The following ADGRB3 variants were observed in gnomAD, a reference collection of about 807,000 sequenced individuals.
ADGRB3 encodes the protein brain-specific angiogenesis inhibitor 3.
In ADGRB3, 37 loss-of-function variants were observed where a neutral mutation model predicts 193.4. That is an observed-to-expected ratio of 0.19 (90% confidence interval 0.15 to 0.25). The LOEUF (loss-of-function observed/expected upper bound fraction) is 0.25, where lower values mean the gene tolerates loss of function less well. Ranked by LOEUF, ADGRB3 falls within the 10% of genes least tolerant of loss-of-function variation. The pLI, the probability that ADGRB3 is intolerant of heterozygous loss-of-function variation, is 1.00. For missense variants in ADGRB3, 1,637 were observed against 1,852.9 expected (o/e 0.88, Z 2.14); for synonymous variants, 690 against 644.2 (o/e 1.07, Z -1.08).
intron 11 of ADGRB3, among the ~76,000 whole-genome samples, chr6:68,998,923 CTG>C (rs1769475142): frequency 6.6e-6 from 1 of 152,130 alleles, no homozygotes; most frequent in Admixed American, 6.5e-5. Context: ...AACTATAAAA[CTG>C]TATTTTATCC....
intron 3 of ADGRB3, among the ~76,000 whole-genome samples, chr6:68,861,203 G>A (rs1001769782): frequency 1.3e-5 from 2 of 152,138 alleles, no homozygotes; most frequent in African/African-American, 4.8e-5. Flanking sequence ...CACTCTAGTA[G>A]AGTGGATATT....
intron 6 of ADGRB3, among the ~76,000 whole-genome samples, chr6:68,947,960 G>A (rs545180759): frequency 6.6e-6 from 1 of 152,240 alleles, no homozygotes; most frequent in South Asian, 2.1e-4. Context: ...CAGCAATGGA[G>A]TGTTTGAATT....
At chr6:69,116,286 C>G (rs1167948521) in intron 17 of ADGRB3, among the ~76,000 whole-genome samples, 1 of 152,214 alleles carries the variant, frequency 6.6e-6, no homozygotes, top group Non-Finnish European at 1.5e-5. Context: ...GACCAAACAA[C>G]TGAGCATCAT....
chr6:69,232,817 TC>T (rs1165162298), intron 17 of ADGRB3, among the ~76,000 whole-genome samples: 1 of 152,204 alleles, frequency 6.6e-6, no homozygotes, highest in Admixed American at 6.5e-5. Flanking sequence ...AACCTTTTAG[TC>T]AGGCTTTTCA....
At chr6:69,080,257 T>C (rs1370783316) in intron 17 of ADGRB3, among the ~76,000 whole-genome samples, 1 of 152,052 alleles carries the variant, frequency 6.6e-6, no homozygotes. Context: ...TTGATATATC[T>C]ATACATTAGG....
chr6:68,906,912 T>A (rs1766563928), intron 3 of ADGRB3, among the ~76,000 whole-genome samples: 1 of 152,006 alleles, frequency 6.6e-6, no homozygotes, highest in Non-Finnish European at 1.5e-5. Flanking sequence ...TCTATTAATA[T>A]TTGCTTCTGT....
At chr6:69,064,273 A>T (rs768276111) in intron 16 of ADGRB3, among the ~76,000 whole-genome samples, 129 of 151,648 alleles carry the variant, frequency 8.5e-4, no homozygotes, top group Non-Finnish European at 1.6e-3. Flanking sequence ...TATTTAAACT[A>T]TTTAACTTTA....
intron 17 of ADGRB3, among the ~76,000 whole-genome samples, chr6:69,117,496 C>A (rs191855324): frequency 2.0e-5 from 3 of 152,254 alleles, no homozygotes; most frequent in African/African-American, 7.2e-5. Context: ...CTAATACATT[C>A]TAAATCACTA....
At chr6:68,796,370 C>G (rs138720573) in intron 3 of ADGRB3, among the ~76,000 whole-genome samples, 13 of 152,182 alleles carry the variant, frequency 8.5e-5, no homozygotes, top group African/African-American at 2.9e-4. Flanking sequence ...TGTCTAAACC[C>G]TCTTCTACCT....
intron 17 of ADGRB3, among the ~76,000 whole-genome samples, chr6:69,186,319 G>T (rs1006328446): frequency 2.6e-5 from 4 of 151,912 alleles, no homozygotes; most frequent in African/African-American, 9.7e-5. Flanking sequence ...AGATCTAAAT[G>T]CATTTTATTT....
chr6:69,141,476 T>C (rs1449022783), intron 17 of ADGRB3, among the ~76,000 whole-genome samples: 3 of 152,088 alleles, frequency 2.0e-5, no homozygotes, highest in Non-Finnish European at 2.9e-5. Flanking sequence ...GAGAAGGTGA[T>C]TCTTGAGTAA....
intron 20 of ADGRB3, among the ~76,000 whole-genome samples, chr6:69,253,966 T>G (rs1257915929): frequency 2.0e-5 from 3 of 151,980 alleles, no homozygotes; most frequent in Non-Finnish European, 2.9e-5. Context: ...TTGTAGAAAG[T>G]TAAGAAATGA....
intron 21 of ADGRB3, among the ~76,000 whole-genome samples, chr6:69,326,538 C>T (rs1489602677): frequency 6.6e-6 from 1 of 152,078 alleles, no homozygotes; most frequent in Non-Finnish European, 1.5e-5. Flanking sequence ...TATTAAACTA[C>T]TCTAGGTAGC....
At chr6:69,228,390 A>G (rs1766063492) in intron 17 of ADGRB3, among the ~76,000 whole-genome samples, 1 of 152,238 alleles carries the variant, frequency 6.6e-6, no homozygotes, top group Admixed American at 6.5e-5. Context: ...TGGCATGTAG[A>G]GTGTTAATTT....
intron 17 of ADGRB3, among the ~76,000 whole-genome samples, chr6:69,212,434 T>C (rs546563947): frequency 2.3e-3 from 353 of 152,098 alleles, no homozygotes; most frequent in African/African-American, 8.0e-3. Context: ...GATGACCCAA[T>C]AAAAGAGCTA....
chr6:68,749,408 ATGTG>A (rs60078030), intron 3 of ADGRB3, among the ~76,000 whole-genome samples: 4,775 of 136,454 alleles, frequency 0.035, 162 homozygotes, highest in African/African-American at 0.087. Flanking sequence ...ATATATATAT[ATGTG>A]TGTGTGTGTG....
intron 10 of ADGRB3, among the ~76,000 whole-genome samples, chr6:68,993,280 G>T (rs1769291709): frequency 6.6e-6 from 1 of 152,012 alleles, no homozygotes; most frequent in East Asian, 1.9e-4. Flanking sequence ...AAGTAAATTT[G>T]TGCTGCTAAT....
rs57616226 is a variant in ADGRB3 at position 69,069,553 on chromosome 6, C to CAAAAAAAAAAAAAAAAAAAAAA, written c.2437-6435_2437-6414dup. Among the ~76,000 whole-genome samples the CAAAAAAAAAAAAAAAAAAAAAA allele has an allele frequency of 2.5e-4, 8 of 31,782 alleles. 2 individuals carry two copies. The highest frequency in any genetic ancestry group is 4.7e-3 in the East Asian group (2 of 422). The allele number at this position is 31,782 out of a possible 152,430, so 20.9% of individuals were successfully genotyped here. On this transcript the variant is annotated intron_variant, in intron 16 of 31. Transcript: ENST00000370598. ...TGAAACCCCGTCTCTACTAAAAATA[C>CAAAAAAAAAAAAAAAAAAAAAA]AAAAAAAAAAAAAAAAAAAAAAAAA...
chr6:69,112,137 G>A (rs1019915369), intron 17 of ADGRB3, among the ~76,000 whole-genome samples: 5 of 152,100 alleles, frequency 3.3e-5, no homozygotes, highest in East Asian at 1.9e-4. Flanking sequence ...TAGGCAGGCC[G>A]TCCAGAGACA....
Sources: gnomAD v4.1 joint callset for allele counts (sites outside exome capture counted in the v4.1 genomes callset) on GRCh38, gnomAD v4.1.1 for gene constraint, MANE v1.5 for transcripts, NCBI Gene and HGNC (gene_info 2026-07-23, HGNC 2026-07-21) for gene names.